The following MBTD1 variants were observed in gnomAD, a reference collection of about 807,000 sequenced individuals.
The protein encoded by MBTD1 is mbt domain containing 1, also known as MBT domain-containing protein 1.
In MBTD1, 24 loss-of-function variants were observed where a neutral mutation model predicts 87.8. That is an observed-to-expected ratio of 0.27 (90% CI 0.20 to 0.38). The LOEUF is 0.38. MBTD1 is among the 10% of genes least tolerant of loss of function. The probability of loss-of-function intolerance (pLI) is 1.00; values close to 1 mark genes in which losing one functional copy is unlikely to be tolerated. For missense variants in MBTD1, 436 were observed against 760.2 expected, an observed-to-expected ratio of 0.57 and a Z score of 5.02; for synonymous variants, 237 against 248.6, an observed-to-expected ratio of 0.95 and a Z score of 0.44.
intron 13 of MBTD1, 111 bp from the exon 14 acceptor site, chr17:51,193,621 A>G (rs1338408392): frequency 7.4e-6 from 5 of 679,486 alleles, no homozygotes; most frequent in Non-Finnish European, 1.3e-5. Context: ...TTATATGATC[A>G]ACTTTATTTT....
intron 15 of MBTD1, 64 bp downstream of exon 15, chr17:51,192,718 G>A: frequency 6.3e-7 from 1 of 1,592,896 alleles, no homozygotes; most frequent in Non-Finnish European, 8.6e-7. Context: ...TGACTTATGT[G>A]AGATAGTCCT....
In MBTD1 at chr17:51,181,546, C is replaced by T. The variant is rs925819217; in HGVS notation, c.1769-852G>A. 2.0e-5 allele frequency among the ~76,000 whole-genome samples: 3 copies of T among 152,274 alleles called. No homozygotes were observed. In the East Asian group the frequency reaches 5.8e-4, roughly 29 times the overall value. On this transcript the variant is annotated intron_variant, in intron 16 of 16. Coordinates refer to ENST00000586178, the MANE Select transcript of MBTD1 (RefSeq NM_017643.3). Reference sequence around the variant, plus strand: ...TGGCTGTGCAAGCCTGTAGTCCCAGCTACTCATGACTGAGGCAGAAGGATT... The same window carrying T: ...TGGCTGTGCAAGCCTGTAGTCCCAGTTACTCATGACTGAGGCAGAAGGATT...
chr17:51,197,075 T>TGGAGG (rs2051166281), intron 12 of MBTD1, among the ~76,000 whole-genome samples: 1 of 9,396 alleles, frequency 1.1e-4, no homozygotes, highest in African/African-American at 1.0e-3. Flanking sequence ...TATATATATA[T>TGGAGG]ATATATATAT....
At chr17:51,197,907 T>C (rs2051230307) in intron 12 of MBTD1, among the ~76,000 whole-genome samples, 1 of 152,220 alleles carries the variant, frequency 6.6e-6, no homozygotes, top group Non-Finnish European at 1.5e-5. Context: ...GCATTCCTTC[T>C]GGAATGCTCT....
intron 2 of MBTD1, among the ~76,000 whole-genome samples, chr17:51,258,561 C>G (rs979004833): frequency 6.6e-6 from 1 of 150,924 alleles, no homozygotes; most frequent in Non-Finnish European, 1.5e-5. Context: ...GGAGGAAAGA[C>G]TAGCTTCCGA....
At chr17:51,225,855 T>G (rs2053186921) in intron 2 of MBTD1, among the ~76,000 whole-genome samples, 1 of 151,786 alleles carries the variant, frequency 6.6e-6, no homozygotes, top group Non-Finnish European at 1.5e-5. Flanking sequence ...CTCGGCTCAC[T>G]GCAACCTCTG....
chr17:51,226,434 T>G (rs1845058545), intron 2 of MBTD1, among the ~76,000 whole-genome samples: 1 of 151,002 alleles, frequency 6.6e-6, no homozygotes, highest in South Asian at 2.1e-4. Flanking sequence ...GCCTGGGAGG[T>G]GGAGGTTGCA....
In MBTD1 at chr17:51,203,855, A is replaced by G. The variant is rs892847017; in HGVS notation, c.675T>C (p.Cys225=). 6.2e-7 allele frequency: 1 copy of G among 1,613,804 alleles called. No individual in the cohort carries two copies. Among genetic ancestry groups the G allele is most frequent in the Non-Finnish European group, 8.5e-7 (1 of 1,179,818 alleles). The change falls in exon 8 of 17, where the codon TGT becomes TGC. Residue 225 remains cysteine, a synonymous_variant. Transcript: ENST00000586178. Reference sequence around the variant, plus strand: ...AACCAACTGGATGGATATCAGAACCACATATATTGCACCAGAAGTCCAGAC... The same window carrying G: ...AACCAACTGGATGGATATCAGAACCGCATATATTGCACCAGAAGTCCAGAC... The part of the protein sequence containing the change: ...DSGLDFWCNI[C]GSDIHPVGWC...
At chr17:51,249,520 T>A (rs913363555) in intron 2 of MBTD1, 1 of 152,226 alleles carries the variant, frequency 6.6e-6, no homozygotes, top group Non-Finnish European at 1.5e-5. Flanking sequence ...TTGTCTGATT[T>A]AATGCTTTTT....
intron 4 of MBTD1, among the ~76,000 whole-genome samples, chr17:51,219,897 A>G (rs1460086569): frequency 2.0e-5 from 3 of 152,180 alleles, no homozygotes; most frequent in Admixed American, 6.6e-5. Context: ...ACATTTGGTC[A>G]ATGTATCAAA....
At chr17:51,209,806 A>C (rs540609945) in intron 6 of MBTD1, among the ~76,000 whole-genome samples, 1 of 152,338 alleles carries the variant, frequency 6.6e-6, no homozygotes, top group East Asian at 1.9e-4. Context: ...GCAAATGTAC[A>C]AAAAGCCATC....
intron 12 of MBTD1, among the ~76,000 whole-genome samples, chr17:51,199,293 G>A (rs1476078308): frequency 6.6e-6 from 1 of 151,752 alleles, no homozygotes; most frequent in African/African-American, 2.4e-5. Flanking sequence ...TCATCATGTT[G>A]ACCAGGCTGG....
At chr17:51,184,913 ATT>A (rs2050466587) in intron 16 of MBTD1, 1 of 152,248 alleles carries the variant, frequency 6.6e-6, no homozygotes, top group Admixed American at 6.5e-5. Flanking sequence ...TACAATCCTA[ATT>A]TGTTTTTCGT....
intron 2 of MBTD1, among the ~76,000 whole-genome samples, chr17:51,228,788 TCGGG>T (rs1487515231): frequency 6.0e-5 from 9 of 150,610 alleles, no homozygotes; most frequent in African/African-American, 2.2e-4. Context: ...TCCCAGCTAC[TCGGG>T]AGGCTGAGGC....
chr17:51,258,247 G>C (rs1317082648), intron 2 of MBTD1, among the ~76,000 whole-genome samples: 1 of 152,086 alleles, frequency 6.6e-6, no homozygotes, highest in Admixed American at 6.6e-5. Flanking sequence ...GTTATGTCTT[G>C]ACACCCACTT....
In MBTD1 at chr17:51,179,526, A is replaced by G. The variant is rs908330953; in HGVS notation, c.*1050T>C. On this transcript the variant is annotated 3_prime_UTR_variant, in exon 17 of 17. Transcript: ENST00000586178. ...TATATATATATATATATATATATAT[A>G]TATATATATATGGAATTTTAAGAAA... The G allele has an allele frequency of 8.7e-5, 9 of 103,144 alleles. 1 individual carries two copies. The highest frequency in any genetic ancestry group is 2.9e-4 in the African/African-American group (9 of 31,276). The allele number at this position is 103,144 out of a possible 1,614,324, so 6.4% of individuals were successfully genotyped here.
intron 2 of MBTD1, among the ~76,000 whole-genome samples, chr17:51,253,536 AATATACACTGGC>A (rs2054916671): frequency 6.6e-6 from 1 of 152,218 alleles, no homozygotes; most frequent in African/African-American, 2.4e-5. Context: ...TCAAAGAGAC[AATATACACTGGC>A]ATATACACAG....
chr17:51,255,600 C>CTT (rs1162659426), intron 2 of MBTD1, among the ~76,000 whole-genome samples: 18 of 141,182 alleles, frequency 1.3e-4, no homozygotes, highest in African/African-American at 2.1e-4. Flanking sequence ...TTTTTTTTTC[C>CTT]TTTTTTTTTT....
rs71355733 is a variant in MBTD1, at chr17:51,194,566, CAAAAAAAAAAAAAAAAAA to C, written c.1372+630_1372+647del. 1.5e-4 allele frequency among the ~76,000 whole-genome samples: 3 copies of C among 19,752 alleles called. No homozygotes were observed. In the East Asian group the frequency reaches 4.7e-3, roughly 31 times the overall value. The allele number at this position is 19,752 out of a possible 152,430, so 13.0% of individuals were successfully genotyped here. A position where few individuals can be genotyped will look rare whatever the true frequency, so the allele number is the denominator to read the frequency against. On this transcript the variant is annotated intron_variant, in intron 13 of 16. Coordinates refer to ENST00000586178, the MANE Select transcript of MBTD1 (RefSeq NM_017643.3). ...CCTGGGTGACAGAGCGAGACTGTCT[CAAAAAAAAAAAAAAAAAA>C]AAAAAAAAGTCCACATGGCTAAGTG...
Sources: allele counts gnomAD v4.1 joint callset (sites outside exome capture counted in the v4.1 genomes callset), GRCh38; gene constraint gnomAD v4.1.1; transcripts MANE v1.5; gene names NCBI Gene and HGNC (gene_info 2026-07-23, HGNC 2026-07-21).